SND1: variants seen among roughly 807,000 people sequenced by gnomAD.
The protein encoded by SND1 is staphylococcal nuclease and tudor domain containing 1.
A neutral mutation model predicts 121.7 loss-of-function variants in SND1; 38 were observed. That is an observed-to-expected ratio of 0.31 (90% CI 0.24 to 0.41). The LOEUF (loss-of-function observed/expected upper bound fraction) is 0.41. SND1 is among the 10% of genes least tolerant of loss of function. The pLI, the probability that SND1 is intolerant of heterozygous loss-of-function variation, is 1.00. For synonymous variants in SND1, 401 were observed against 447.4 expected, an observed-to-expected ratio of 0.90 and a Z score of 1.31; for missense variants, 868 against 1,184.6, an observed-to-expected ratio of 0.73 and a Z score of 3.92.
At position 127,721,445 on chromosome 7, in the gene SND1, G is replaced by A. The variant is rs1796495179; in HGVS notation, c.1152+45G>A. The A allele has an allele frequency of 4.6e-6, 5 of 1,085,088 alleles. No homozygotes were observed. The East Asian group carries it at 1.2e-4, about 26-fold the overall frequency. The allele number at this position is 1,085,088 out of a possible 1,614,324, so 67.2% of individuals were successfully genotyped here. ...CGCGCCTCTTTGCATAAACCAAAAG[G>A]AAGAAGTTGGAGAATTGATTAATAT... On this transcript the variant is annotated intron_variant, in intron 10 of 23. Transcript: ENST00000354725.
intron 16 of SND1, among the ~76,000 whole-genome samples, chr7:128,033,753 G>A (rs915556952): frequency 3.3e-5 from 5 of 152,116 alleles, no homozygotes; most frequent in African/African-American, 4.8e-5. Flanking sequence ...CATTTTATAT[G>A]AGTCAAACGT....
chr7:127,797,464 A>G (rs147775454), intron 10 of SND1, among the ~76,000 whole-genome samples: 1 of 152,328 alleles, frequency 6.6e-6, no homozygotes, highest in African/African-American at 2.4e-5. Flanking sequence ...TCCCAGGCTT[A>G]CTGGCTGAGT....
intron 1 of SND1, among the ~76,000 whole-genome samples, chr7:127,675,657 T>C (rs1263727505): frequency 6.6e-6 from 1 of 152,168 alleles, no homozygotes; most frequent in Non-Finnish European, 1.5e-5. Flanking sequence ...CCCTCGCCAT[T>C]TGATAGAGGA....
At chr7:127,803,064 C>T (rs1798164408) in intron 10 of SND1, among the ~76,000 whole-genome samples, 1 of 152,172 alleles carries the variant, frequency 6.6e-6, no homozygotes, top group South Asian at 2.1e-4. Context: ...GTTTTCAACA[C>T]AAAAGGCAAA....
At chr7:127,743,210 G>T (rs1796914714) in intron 10 of SND1, among the ~76,000 whole-genome samples, 1 of 152,202 alleles carries the variant, frequency 6.6e-6, no homozygotes, top group Non-Finnish European at 1.5e-5. Context: ...TTGTAAGAGT[G>T]TCCAAATCCC....
chr7:128,083,816 G>C (rs55995107), intron 18 of SND1, among the ~76,000 whole-genome samples: 1,940 of 152,326 alleles, frequency 0.013, 23 homozygotes, highest in South Asian at 0.032. Context: ...AAAGGTCTGA[G>C]ACTGAGCTAG....
intron 13 of SND1, among the ~76,000 whole-genome samples, chr7:127,902,732 T>C (rs570868878): frequency 6.6e-6 from 1 of 152,136 alleles, no homozygotes; most frequent in African/African-American, 2.4e-5. Flanking sequence ...ACTTTTTTTT[T>C]TTGAGACAAA....
intron 15 of SND1, 118 bp from the exon 16 acceptor site, chr7:127,990,829 A>G: frequency 1.5e-6 from 1 of 659,838 alleles, no homozygotes; most frequent in Admixed American, 2.8e-5. Context: ...CTCAGATAGA[A>G]TGGATGGAAG....
At position 128,029,992 on chromosome 7, in the gene SND1, G is replaced by C; in HGVS notation, c.1779+38936G>C. ...ATCTCCAGCTCCTCCAGCCCCACCAGGGGGGTGAGATTGGGCATGTCTTTA... is the reference window on the plus strand; with the variant it reads ...ATCTCCAGCTCCTCCAGCCCCACCACGGGGGTGAGATTGGGCATGTCTTTA... On this transcript the variant is annotated intron_variant, in intron 16 of 23. Coordinates refer to ENST00000354725, the MANE Select transcript of SND1 (RefSeq NM_014390.4). This position sits in a 1 kb window ranked among gnomAD's most constrained non-coding sequence, Gnocchi z 4.2. 6.2e-7 allele frequency: 1 copy of C among 1,613,136 alleles called. No individual in the cohort carries two copies. Among genetic ancestry groups the C allele is most frequent in the Non-Finnish European group, 8.5e-7 (1 of 1,180,018 alleles).
intron 9 of SND1, among the ~76,000 whole-genome samples, chr7:127,719,486 C>T (rs540713430): frequency 7.9e-5 from 12 of 152,256 alleles, no homozygotes; most frequent in African/African-American, 1.9e-4. Context: ...TGTGATCACT[C>T]ATCCTGCCTT....
At chr7:127,742,832 C>T (rs1796909393) in intron 10 of SND1, among the ~76,000 whole-genome samples, 1 of 152,128 alleles carries the variant, frequency 6.6e-6, no homozygotes, top group Non-Finnish European at 1.5e-5. Context: ...ATCAAGGCAG[C>T]TTATGATAAG....
chr7:127,997,987 A>C (rs1802715958), intron 16 of SND1: 1 of 532,330 alleles, frequency 1.9e-6, no homozygotes, highest in Non-Finnish European at 3.9e-6. Flanking sequence ...ACTTACCAAT[A>C]GTATACAAGG....
intron 10 of SND1, among the ~76,000 whole-genome samples, chr7:127,790,936 T>A (rs1042167430): frequency 9.9e-5 from 15 of 152,080 alleles, no homozygotes; most frequent in African/African-American, 3.6e-4. Context: ...AGCAAGCAGT[T>A]TGGAATATAG....
At chr7:127,937,436 G>C (rs115600789) in intron 15 of SND1, among the ~76,000 whole-genome samples, 2 of 148,186 alleles carry the variant, frequency 1.3e-5, no homozygotes, top group East Asian at 2.0e-4. Flanking sequence ...CTCTCTTTCC[G>C]TCTCCCAACC....
chr7:127,931,823 T>C (rs893364322), intron 15 of SND1, among the ~76,000 whole-genome samples: 2 of 152,208 alleles, frequency 1.3e-5, no homozygotes, highest in African/African-American at 4.8e-5. Flanking sequence ...CAGCAAAGCC[T>C]GTATGACGGC....
chr7:127,944,293 C>T (rs569224209), intron 15 of SND1, among the ~76,000 whole-genome samples: 3 of 152,288 alleles, frequency 2.0e-5, no homozygotes, highest in South Asian at 2.1e-4. Context: ...GCAGCAAAGC[C>T]GCCCACCAGA....
chr7:128,041,955 A>G (rs888509762), intron 16 of SND1, among the ~76,000 whole-genome samples: 15 of 152,270 alleles, frequency 9.9e-5, no homozygotes, highest in African/African-American at 2.6e-4. Flanking sequence ...CCAGACTGAA[A>G]TGGCTCTGGT....
chr7:127,704,745 G>A (rs1474070517), intron 7 of SND1, 94 bp from the exon 8 acceptor site: 19 of 1,026,276 alleles, frequency 1.9e-5, no homozygotes, highest in African/African-American at 3.2e-5. Context: ...AGACTAGTTT[G>A]TGACTGTGTT....
intron 10 of SND1, among the ~76,000 whole-genome samples, chr7:127,773,539 G>GGA (rs1230282541): frequency 6.6e-6 from 1 of 151,130 alleles, no homozygotes; most frequent in African/African-American, 2.4e-5. Context: ...TTTGAAATTA[G>GGA]GAAAAAAAAA....
Sources: allele counts gnomAD v4.1 joint callset (sites outside exome capture counted in the v4.1 genomes callset), GRCh38; gene constraint gnomAD v4.1.1; non-coding constraint Gnocchi (gnomAD v3.1); transcripts MANE v1.5; gene names NCBI Gene and HGNC (gene_info 2026-07-23, HGNC 2026-07-21).